DHRS7B: variants seen among roughly 807,000 people sequenced by gnomAD.
DHRS7B encodes dehydrogenase/reductase 7B.
A neutral mutation model predicts 26.4 loss-of-function variants in DHRS7B; 24 were observed. The observed-to-expected ratio is 0.91, with a 90% confidence interval of 0.66 to 1.28. DHRS7B has a LOEUF of 1.28. DHRS7B is among the 50% of genes most tolerant of loss of function. The pLI, the probability that DHRS7B is intolerant of heterozygous loss-of-function variation, is 0.00. For synonymous variants in DHRS7B, 142 were observed against 166.4 expected (o/e 0.85, Z 1.13); for missense variants, 368 against 419.4 (o/e 0.88, Z 1.07).
intron 1 of DHRS7B, among the ~76,000 whole-genome samples, chr17:21,154,151 A>G (rs1973831101): frequency 6.6e-6 from 1 of 152,098 alleles, no homozygotes; most frequent in African/African-American, 2.4e-5. Context: ...CTCTACTAAT[A>G]ATACAAAAAT....
At chr17:21,164,441 G>A (rs1020194887) in intron 1 of DHRS7B, among the ~76,000 whole-genome samples, 2 of 152,152 alleles carry the variant, frequency 1.3e-5, no homozygotes, top group Non-Finnish European at 2.9e-5. Flanking sequence ...CTAGATTTCT[G>A]ACCTCATATT....
intron 1 of DHRS7B, among the ~76,000 whole-genome samples, chr17:21,149,667 T>C (rs1032757572): frequency 3.9e-5 from 6 of 152,170 alleles, no homozygotes; most frequent in Non-Finnish European, 5.9e-5. Context: ...TTTTTCTTTG[T>C]TTCTTTGTTA....
chr17:21,169,482 G>A (rs1311450384), intron 1 of DHRS7B, among the ~76,000 whole-genome samples: 1 of 152,138 alleles, frequency 6.6e-6, no homozygotes, highest in Admixed American at 6.5e-5. Flanking sequence ...GCTCAGAGGC[G>A]AGGACACTGA....
At chr17:21,177,082 G>A (rs1481485931) in intron 2 of DHRS7B, among the ~76,000 whole-genome samples, 1 of 151,990 alleles carries the variant, frequency 6.6e-6, no homozygotes, top group Admixed American at 6.5e-5. Flanking sequence ...GGGGTTTCTC[G>A]TCAGGCCCTC....
intron 1 of DHRS7B, among the ~76,000 whole-genome samples, chr17:21,167,164 G>A (rs992467195): frequency 1.3e-5 from 2 of 152,154 alleles, no homozygotes; most frequent in African/African-American, 4.8e-5. Flanking sequence ...ATAGTCTCAT[G>A]TCTAATTTGA....
Position 21,184,471 on chromosome 17 carries a change from CTT to C in DHRS7B, c.619+9_619+10del. On this transcript the variant is annotated intron_variant, in intron 5 of 6. Coordinates refer to ENST00000395511, the MANE Select transcript of DHRS7B (RefSeq NM_015510.5). ...TTCCTTTTCGATCAGCATGTGAGTA[CTT>C]CTCTCTCCCACAAAATGCTTGGCTT... 1 of 1,608,496 alleles carries C rather than the reference CTT, an allele frequency of 6.2e-7. No homozygotes were observed. Among genetic ancestry groups the C allele is most frequent in the Non-Finnish European group, 8.5e-7 (1 of 1,177,416 alleles).
intron 1 of DHRS7B, among the ~76,000 whole-genome samples, chr17:21,145,935 T>G (rs1236009464): frequency 2.0e-5 from 3 of 152,228 alleles, no homozygotes; most frequent in Non-Finnish European, 4.4e-5. Flanking sequence ...TTGAGGAGCA[T>G]CTGTAGTTGA....
Position 21,190,997 on chromosome 17 carries a change from G to A in DHRS7B, c.822G>A (p.Gln274=). 2 of 1,614,248 alleles carry A rather than the reference G, an allele frequency of 1.2e-6. No homozygotes were observed. The highest frequency in any genetic ancestry group is 1.7e-6 in the Non-Finnish European group (2 of 1,180,044). The change falls in exon 7 of 7, where the codon CAG becomes CAA. Residue 274 remains glutamine, a synonymous_variant. Transcript: ENST00000395511. ...GCCGAAGCCCTGTGGAGGTGGCCCA[G>A]GATGTTCTTGCTGCTGTGGGGAAGA... The part of the protein sequence containing the change: ...AQGRSPVEVA[Q]DVLAAVGKKK...
At chr17:21,164,950 G>C (rs1017121299) in intron 1 of DHRS7B, among the ~76,000 whole-genome samples, 2 of 152,216 alleles carry the variant, frequency 1.3e-5, no homozygotes, top group African/African-American at 4.8e-5. Context: ...CTGCCAGCTT[G>C]GCTGCTATTG....
Position 21,127,130 on chromosome 17 carries a change from C to G in DHRS7B, c.20+139C>G, listed in dbSNP as rs1267736158. 4.7e-6 allele frequency: 4 copies of G among 852,740 alleles called. No individual in the cohort carries two copies. In the East Asian group the frequency reaches 1.3e-4, roughly 29 times the overall value. 52.8% of individuals were successfully genotyped at this position (852,740 alleles called of 1,614,324 possible). On this transcript the variant is annotated intron_variant, in intron 1 of 6. Transcript: ENST00000395511. ...GCGGGCCCTGGGCGGCTTCCGGATC[C>G]CCGCGACGCCGAACTCTGAAGGAAG...
At chr17:21,161,811 G>A (rs1974007051) in intron 1 of DHRS7B, among the ~76,000 whole-genome samples, 1 of 152,158 alleles carries the variant, frequency 6.6e-6, no homozygotes, top group Admixed American at 6.5e-5. Context: ...AATCATAGAT[G>A]TTGGGAGTGG....
At chr17:21,148,519 G>A (rs1973690372) in intron 1 of DHRS7B, among the ~76,000 whole-genome samples, 1 of 152,154 alleles carries the variant, frequency 6.6e-6, no homozygotes, top group Non-Finnish European at 1.5e-5. Context: ...GGCTGAGGAT[G>A]GATCACTTTA....
At chr17:21,190,919 A>C (rs112951635) in intron 6 of DHRS7B, 29 bp from the exon 7 acceptor site, 2 of 1,611,034 alleles carry the variant, frequency 1.2e-6, no homozygotes, top group Admixed American at 3.3e-5. Flanking sequence ...TTCCAAGTTC[A>C]TGTGTTTCTT....
At chr17:21,151,813 A>G (rs1973777968) in intron 1 of DHRS7B, among the ~76,000 whole-genome samples, 1 of 152,192 alleles carries the variant, frequency 6.6e-6, no homozygotes, top group Non-Finnish European at 1.5e-5. Context: ...TCTCATGTTC[A>G]ATTGTAATCC....
intron 1 of DHRS7B, among the ~76,000 whole-genome samples, chr17:21,149,707 G>C (rs904301974): frequency 7.2e-5 from 11 of 151,916 alleles, no homozygotes; most frequent in African/African-American, 2.2e-4. Flanking sequence ...TCTTTAAAAT[G>C]ACTTATTACA....
At chr17:21,127,244 T>C (rs999514450) in intron 1 of DHRS7B, 1 of 474,060 alleles carries the variant, frequency 2.1e-6, no homozygotes, top group Non-Finnish European at 3.7e-6. Flanking sequence ...TTGAGTCCAG[T>C]TTCCGCTGCT....
At position 21,172,197 on chromosome 17, in the gene DHRS7B, G is replaced by T. The variant is rs761993168; in HGVS notation, c.199+1G>T. 1.2e-6 allele frequency: 2 copies of T among 1,609,516 alleles called. No homozygotes were observed. Among genetic ancestry groups the T allele is most frequent in the Non-Finnish European group, 1.7e-6 (2 of 1,178,142 alleles). ...GGCGCCACCTCAGGGCTGGGCAAAG[G>T]TGGGTCCTGGAGGCAGTGCTGCCAG... On this transcript the variant is annotated splice_donor_variant, in intron 2 of 6. Transcript: ENST00000395511. LOFTEE classifies it high-confidence loss of function.
chr17:21,189,922 C>T (rs766622659), intron 6 of DHRS7B, among the ~76,000 whole-genome samples: 4 of 152,206 alleles, frequency 2.6e-5, no homozygotes, highest in African/African-American at 9.7e-5. Context: ...AATCTCAGCA[C>T]TTTGGGAGGT....
chr17:21,169,281 C>T lies in DHRS7B; in HGVS notation c.21-2737C>T, dbSNP rs184099305. 5.1e-3 allele frequency among the ~76,000 whole-genome samples: 769 copies of T among 152,256 alleles called. 12 individuals are homozygous for T. The highest frequency in any genetic ancestry group is 4.4e-3 in the Non-Finnish European group (301 of 68,006). The stretch of plus-strand genomic sequence containing the variant: ...TGAGCTTCCTTTATTTGGAAAGAAC[C>T]ACACTTCACAAGCCAGGGGTCCCTT... On this transcript the variant is annotated intron_variant, in intron 1 of 6. Coordinates refer to ENST00000395511, the MANE Select transcript of DHRS7B (RefSeq NM_015510.5).
Sources: gnomAD v4.1 joint callset for allele counts (sites outside exome capture counted in the v4.1 genomes callset) on GRCh38, gnomAD v4.1.1 for gene constraint, MANE v1.5 for transcripts, NCBI Gene and HGNC (gene_info 2026-07-23, HGNC 2026-07-21) for gene names.